Variants in XPO4 observed in about 807,000 individuals in gnomAD.
The protein encoded by XPO4 is exportin 4.
Under a neutral mutation model 143.0 loss-of-function variants are expected in XPO4, and 39 were observed. That is an observed-to-expected ratio of 0.27 (90% CI 0.21 to 0.36). The LOEUF (loss-of-function observed/expected upper bound fraction) is 0.36, where lower values mean the gene tolerates loss of function less well. XPO4 is among the 10% of genes least tolerant of loss of function. The probability of loss-of-function intolerance (pLI) is 1.00; values close to 1 mark genes in which losing one functional copy is unlikely to be tolerated. For missense variants in XPO4, 907 were observed against 1,348.0 expected, an observed-to-expected ratio of 0.67 and a Z score of 5.12; for synonymous variants, 439 against 474.0, an observed-to-expected ratio of 0.93 and a Z score of 0.96.
intron 1 of XPO4, among the ~76,000 whole-genome samples, chr13:20,889,123 C>CT (rs1160822375): frequency 2.0e-5 from 3 of 152,116 alleles, no homozygotes; most frequent in African/African-American, 7.2e-5. Context: ...AAAAGACACT[C>CT]TTTTTGTGTT....
intron 1 of XPO4, among the ~76,000 whole-genome samples, chr13:20,873,101 C>CAAA (rs11420948): frequency 0.35 from 45,182 of 127,518 alleles, 8,962 homozygotes; most frequent in Non-Finnish European, 0.48. Context: ...CAAGGATCTT[C>CAAA]AAAAAAAAAA....
At chr13:20,814,291 T>C (rs1325970991) in intron 9 of XPO4, among the ~76,000 whole-genome samples, 1 of 152,096 alleles carries the variant, frequency 6.6e-6, no homozygotes, top group Non-Finnish European at 1.5e-5. Flanking sequence ...ATTATTCATA[T>C]ACATAAAAGT....
chr13:20,896,041 G>C (rs547586031), intron 1 of XPO4, among the ~76,000 whole-genome samples: 1 of 152,192 alleles, frequency 6.6e-6, no homozygotes, highest in East Asian at 1.9e-4. Flanking sequence ...GAAGGCTCTT[G>C]TATCGAAAAC....
intron 3 of XPO4, chr13:20,859,782 A>C (rs1479497600): frequency 1.2e-6 from 1 of 863,570 alleles, no homozygotes. Flanking sequence ...TCTCAAAAAA[A>C]ATTAAAAAAA....
At position 20,779,030 on chromosome 13, in the gene XPO4, T is replaced by C. The variant is rs1470995655; in HGVS notation, c.*4692A>G. On this transcript the variant is annotated 3_prime_UTR_variant, in exon 23 of 23. Coordinates refer to ENST00000255305, the MANE Select transcript of XPO4 (RefSeq NM_022459.5). ...CATATTGCAGCATCTTCTGAAAAAC[T>C]AAATGCAATTTTATACCTTCATTAG... 1 of 152,188 alleles carries C rather than the reference T, an allele frequency of 6.6e-6. No homozygotes were observed. The highest frequency in any genetic ancestry group is 1.5e-5 in the Non-Finnish European group (1 of 68,026). The allele number at this position is 152,188 out of a possible 1,614,324, so 9.4% of individuals were successfully genotyped here. A position where few individuals can be genotyped will look rare whatever the true frequency, so the allele number is the denominator to read the frequency against.
intron 6 of XPO4, among the ~76,000 whole-genome samples, chr13:20,836,196 C>CAATTACT (rs2059914666): frequency 1.3e-5 from 2 of 152,190 alleles, no homozygotes. Flanking sequence ...TATACTTCAT[C>CAATTACT]AATTACTAAT....
chr13:20,782,766 G>A lies in XPO4; in HGVS notation c.*956C>T, dbSNP rs1178560398. ...GCTAACACCCTAAACCAACTCTGAA[G>A]CATCAAGACGTGGTTTCTTACTAAA... On this transcript the variant is annotated 3_prime_UTR_variant, in exon 23 of 23. Transcript: ENST00000255305. The A allele has an allele frequency of 6.6e-6, 1 of 152,594 alleles. No individual in the cohort carries two copies. Among genetic ancestry groups the A allele is most frequent in the Admixed American group, 6.5e-5 (1 of 15,270 alleles). 9.5% of individuals were successfully genotyped at this position (152,594 alleles called of 1,614,324 possible). A position where few individuals can be genotyped will look rare whatever the true frequency, so the allele number is the denominator to read the frequency against.
intron 1 of XPO4, among the ~76,000 whole-genome samples, chr13:20,873,740 C>A (rs563074831): frequency 2.8e-4 from 43 of 152,310 alleles, no homozygotes; most frequent in Admixed American, 2.5e-3. Context: ...AAGCAATTCT[C>A]ATGCCTCAGC....
chr13:20,783,562 C>T lies in XPO4; in HGVS notation c.*160G>A, dbSNP rs1026914578. On this transcript the variant is annotated 3_prime_UTR_variant, in exon 23 of 23. Coordinates refer to ENST00000255305, the MANE Select transcript of XPO4 (RefSeq NM_022459.5). Reference sequence around the variant, plus strand: ...ACAGCAGAAGCTGATGCCAAGTTGACCTCTCCTGTTTCACTGTATTACATA... The same window carrying T: ...ACAGCAGAAGCTGATGCCAAGTTGATCTCTCCTGTTTCACTGTATTACATA... 9 of 671,070 alleles carry T rather than the reference C, an allele frequency of 1.3e-5. No individual in the cohort carries two copies. The highest frequency in any genetic ancestry group is 1.1e-4 in the Admixed American group (4 of 36,718). The allele number at this position is 671,070 out of a possible 1,614,324, so 41.6% of individuals were successfully genotyped here. A position where few individuals can be genotyped will look rare whatever the true frequency, so the allele number is the denominator to read the frequency against.
chr13:20,886,332 G>A (rs2060461122), intron 1 of XPO4, among the ~76,000 whole-genome samples: 1 of 152,106 alleles, frequency 6.6e-6, no homozygotes, highest in Non-Finnish European at 1.5e-5. Context: ...TATAAGCCAG[G>A]CTGGGCGCGT....
intron 3 of XPO4, 72 bp downstream of exon 3, chr13:20,862,641 GCAAA>G: frequency 1.3e-6 from 2 of 1,577,432 alleles, no homozygotes; most frequent in Non-Finnish European, 1.7e-6. Context: ...TTTTTAAAAT[GCAAA>G]CAAAAAAAGC....
At chr13:20,817,460 G>A (rs1423890741) in intron 9 of XPO4, among the ~76,000 whole-genome samples, 1 of 152,128 alleles carries the variant, frequency 6.6e-6, no homozygotes, top group Non-Finnish European at 1.5e-5. Flanking sequence ...CTGGTCTTGA[G>A]ATTAGGCTAC....
intron 6 of XPO4, among the ~76,000 whole-genome samples, chr13:20,833,904 G>A (rs1240296542): frequency 1.3e-5 from 2 of 152,114 alleles, no homozygotes; most frequent in African/African-American, 4.8e-5. Context: ...GACCGCCCCG[G>A]ACCCCAGCGC....
chr13:20,788,049 G>A (rs954537792), intron 20 of XPO4, among the ~76,000 whole-genome samples: 3 of 130,902 alleles, frequency 2.3e-5, no homozygotes, highest in Non-Finnish European at 4.6e-5. Context: ...ACAGTTTTTT[G>A]TTTTTTTGTT....
intron 4 of XPO4, among the ~76,000 whole-genome samples, chr13:20,855,153 C>T (rs1363846988): frequency 6.6e-6 from 1 of 151,890 alleles, no homozygotes; most frequent in African/African-American, 2.4e-5. Flanking sequence ...ATATTATGTA[C>T]ATATATATTT....
At chr13:20,822,481 T>A (rs1216200506) in intron 7 of XPO4, among the ~76,000 whole-genome samples, 192 bp from the exon 8 acceptor site, 2 of 152,146 alleles carry the variant, frequency 1.3e-5, no homozygotes, top group Non-Finnish European at 2.9e-5. Context: ...TTTAAACATA[T>A]CAATTGATTT....
intron 1 of XPO4, among the ~76,000 whole-genome samples, chr13:20,887,447 A>T (rs2060471446): frequency 6.6e-6 from 1 of 152,260 alleles, no homozygotes; most frequent in South Asian, 2.1e-4. Context: ...ATATTAATAA[A>T]AAGATATTTC....
intron 4 of XPO4, among the ~76,000 whole-genome samples, chr13:20,847,129 A>G (rs1336825960): frequency 2.0e-5 from 3 of 152,228 alleles, no homozygotes; most frequent in Non-Finnish European, 2.9e-5. Context: ...ATACTACACT[A>G]GTCTGGCTCA....
intron 3 of XPO4, among the ~76,000 whole-genome samples, chr13:20,857,172 G>C (rs1418251967): frequency 2.0e-5 from 3 of 152,138 alleles, no homozygotes; most frequent in Non-Finnish European, 1.5e-5. Context: ...GGGAATTTCT[G>C]TACTTTTAGG....
Sources: allele counts gnomAD v4.1 joint callset (sites outside exome capture counted in the v4.1 genomes callset), GRCh38; gene constraint gnomAD v4.1.1; transcripts MANE v1.5; gene names NCBI Gene and HGNC (gene_info 2026-07-23, HGNC 2026-07-21).